Variants in TPRG1 observed in about 807,000 individuals in gnomAD.
The protein encoded by TPRG1 is tumor protein p63-regulated gene 1 protein.
In TPRG1, 29 loss-of-function variants were observed where a neutral mutation model predicts 29.3. The observed-to-expected ratio is 0.99, with a 90% confidence interval of 0.74 to 1.35. The LOEUF (loss-of-function observed/expected upper bound fraction) is 1.35. TPRG1 is among the 40% of genes most tolerant of loss of function. TPRG1 has a pLI of 0.00. For synonymous variants in TPRG1, 130 were observed against 116.8 expected (o/e 1.11, Z -0.73); for missense variants, 327 against 335.0 (o/e 0.98, Z 0.19).
chr3:189,084,654 A>G (rs1434324697), intron 4 of TPRG1, among the ~76,000 whole-genome samples: 1 of 152,186 alleles, frequency 6.6e-6, no homozygotes, highest in Non-Finnish European at 1.5e-5. Context: ...GTCTCTCACT[A>G]TGCGTTTCTC....
intron 4 of TPRG1, among the ~76,000 whole-genome samples, chr3:189,086,353 AT>A (rs578137615): frequency 0.096 from 13,669 of 142,000 alleles, 741 homozygotes; most frequent in African/African-American, 0.17. Flanking sequence ...ACTGATTCAA[AT>A]TTTTTTTTTT....
intron 1 of TPRG1, among the ~76,000 whole-genome samples, chr3:189,199,895 C>T (rs140252727): frequency 1.5e-3 from 229 of 152,148 alleles, no homozygotes; most frequent in African/African-American, 5.3e-3. Flanking sequence ...AAACCAAAAC[C>T]AAAAACAAAC....
intron 4 of TPRG1, among the ~76,000 whole-genome samples, chr3:189,068,881 T>C (rs1716638828): frequency 6.6e-6 from 1 of 152,108 alleles, no homozygotes; most frequent in African/African-American, 2.4e-5. Flanking sequence ...AACATTATGT[T>C]AAGTAAAATA....
intron 1 of TPRG1, among the ~76,000 whole-genome samples, chr3:189,108,256 T>C (rs1226691257): frequency 6.6e-6 from 1 of 152,122 alleles, no homozygotes; most frequent in South Asian, 2.1e-4. Flanking sequence ...TTAGACTGTC[T>C]GGAAGCAAGG....
At chr3:189,136,808 A>G (rs1723800374) in intron 3 of TPRG1, among the ~76,000 whole-genome samples, 1 of 152,188 alleles carries the variant, frequency 6.6e-6, no homozygotes. Context: ...AGTCTAGGCA[A>G]TAATTATACT....
At chr3:189,225,873 T>C (rs771853668) in intron 3 of TPRG1, among the ~76,000 whole-genome samples, 1 of 152,160 alleles carries the variant, frequency 6.6e-6, no homozygotes, top group Non-Finnish European at 1.5e-5. Flanking sequence ...ATTAAAAATG[T>C]AGAGTGCTAA....
chr3:189,254,932 T>C (rs1032639350), intron 4 of TPRG1, among the ~76,000 whole-genome samples: 1 of 152,216 alleles, frequency 6.6e-6, no homozygotes, highest in Non-Finnish European at 1.5e-5. Context: ...GCTGAGAAGA[T>C]GGGGTTTTCT....
At chr3:189,071,345 C>A (rs1716801707) in intron 4 of TPRG1, among the ~76,000 whole-genome samples, 1 of 152,116 alleles carries the variant, frequency 6.6e-6, no homozygotes, top group South Asian at 2.1e-4. Context: ...ATGTCACTTA[C>A]CATTAAAGAG....
At chr3:189,301,751 C>T (rs1274137480) in intron 4 of TPRG1, among the ~76,000 whole-genome samples, 1 of 152,164 alleles carries the variant, frequency 6.6e-6, no homozygotes, top group Non-Finnish European at 1.5e-5. Context: ...GTTCCATTCA[C>T]CTCTGAACAC....
At chr3:189,270,205 A>T (rs1190989490) in intron 4 of TPRG1, among the ~76,000 whole-genome samples, 1 of 151,660 alleles carries the variant, frequency 6.6e-6, no homozygotes, top group Admixed American at 6.6e-5. Flanking sequence ...AAAAAAAAAA[A>T]GGTCCAGGTG....
intron 4 of TPRG1, among the ~76,000 whole-genome samples, chr3:189,025,675 A>T (rs1385632729): frequency 6.6e-6 from 1 of 152,228 alleles, no homozygotes; most frequent in Non-Finnish European, 1.5e-5. Flanking sequence ...AATAAGGGGA[A>T]AAACAAGGAG....
intron 3 of TPRG1, among the ~76,000 whole-genome samples, chr3:189,143,689 C>A (rs1724874247): frequency 2.0e-5 from 3 of 152,164 alleles, no homozygotes; most frequent in South Asian, 2.1e-4. Flanking sequence ...CTCAGGCTGA[C>A]CCCAACCCAG....
chr3:189,023,177 TCA>T (rs1347086299), intron 3 of TPRG1, among the ~76,000 whole-genome samples: 1 of 152,182 alleles, frequency 6.6e-6, no homozygotes, highest in Non-Finnish European at 1.5e-5. Flanking sequence ...AATGCAGAAA[TCA>T]CCCGTCTTCT....
At chr3:189,176,946 A>G (rs1044646019) in intron 1 of TPRG1, among the ~76,000 whole-genome samples, 3 of 152,342 alleles carry the variant, frequency 2.0e-5, no homozygotes, top group South Asian at 2.1e-4. Flanking sequence ...GAGCAGATGA[A>G]TGACATGGTC....
chr3:189,196,888 A>G (rs1231434332), intron 1 of TPRG1, among the ~76,000 whole-genome samples: 2 of 152,172 alleles, frequency 1.3e-5, no homozygotes, highest in Non-Finnish European at 2.9e-5. Flanking sequence ...ACTTAGATGA[A>G]TACTTTCCAT....
At chr3:189,107,432 T>C (rs976474853) in intron 1 of TPRG1, among the ~76,000 whole-genome samples, 20 of 152,320 alleles carry the variant, frequency 1.3e-4, no homozygotes, top group Admixed American at 1.0e-3. Flanking sequence ...AAATACCTTT[T>C]GCTTCATACA....
At chr3:189,065,822 G>GA (rs951140243) in intron 4 of TPRG1, among the ~76,000 whole-genome samples, 35 of 148,664 alleles carry the variant, frequency 2.4e-4, no homozygotes, top group Middle Eastern at 3.4e-3. Flanking sequence ...AGTAAGCTAA[G>GA]AAAAAAAAAG....
intron 3 of TPRG1, 75 bp from the exon 4 acceptor site, chr3:189,238,658 A>C: frequency 7.8e-7 from 1 of 1,277,616 alleles, no homozygotes; most frequent in Non-Finnish European, 1.1e-6. Flanking sequence ...TTTCTGTGCT[A>C]GGAGAGATGT....
chr3:189,020,598 G>C (rs1412402600), intron 3 of TPRG1, among the ~76,000 whole-genome samples: 1 of 151,058 alleles, frequency 6.6e-6, no homozygotes, highest in Non-Finnish European at 1.5e-5. Flanking sequence ...CTGAGAGATA[G>C]TTTGTTATAA....
Sources: allele counts gnomAD v4.1 joint callset (sites outside exome capture counted in the v4.1 genomes callset), GRCh38; gene constraint gnomAD v4.1.1; transcripts MANE v1.5; gene names NCBI Gene and HGNC (gene_info 2026-07-23, HGNC 2026-07-21).